Variants in WDR49 observed in about 807,000 individuals in gnomAD.
The protein encoded by WDR49 is cilia- and flagella-associated protein 337.
In WDR49, 107 loss-of-function variants were observed where a neutral mutation model predicts 119.5. The observed-to-expected ratio is 0.90, with a 90% CI of 0.77 to 1.05. WDR49 has a LOEUF of 1.05. WDR49 is among the 50% of genes least tolerant of loss of function. WDR49 has a pLI of 0.00. For missense variants in WDR49, 1,240 were observed against 1,220.5 expected, an observed-to-expected ratio of 1.02 and a Z score of -0.24; for synonymous variants, 425 against 418.8, an observed-to-expected ratio of 1.01 and a Z score of -0.18.
At chr3:167,625,534 T>C (rs1387584017) in intron 3 of WDR49, among the ~76,000 whole-genome samples, 7 of 151,986 alleles carry the variant, frequency 4.6e-5, no homozygotes, top group African/African-American at 1.2e-4. Context: ...AACTGAAAAA[T>C]TAATGGGTTT....
intron 10 of WDR49, among the ~76,000 whole-genome samples, chr3:167,541,857 G>T (rs1711858629): frequency 6.6e-6 from 1 of 151,930 alleles, no homozygotes; most frequent in Non-Finnish European, 1.5e-5. Flanking sequence ...GGTGGAAAAA[G>T]ATATTCCATG....
intron 17 of WDR49, among the ~76,000 whole-genome samples, chr3:167,502,158 T>C (rs914054486): frequency 2.0e-5 from 3 of 152,190 alleles, no homozygotes; most frequent in African/African-American, 7.2e-5. Flanking sequence ...AGCTTGCTCC[T>C]ACTCTCACCA....
At chr3:167,607,520 T>G (rs1335767939) in intron 5 of WDR49, among the ~76,000 whole-genome samples, 1 of 152,124 alleles carries the variant, frequency 6.6e-6, no homozygotes, top group Non-Finnish European at 1.5e-5. Context: ...GTGGGTAAAT[T>G]ATTCCAAGTT....
chr3:167,583,027 T>C (rs7640585), intron 7 of WDR49, among the ~76,000 whole-genome samples: 3,585 of 151,732 alleles, frequency 0.024, 152 homozygotes, highest in African/African-American at 0.082. Context: ...GAAAAACAAA[T>C]TTGCAATAAA....
chr3:167,642,658 AC>A (rs1717936569), intron 2 of WDR49, among the ~76,000 whole-genome samples: 1 of 151,992 alleles, frequency 6.6e-6, no homozygotes, highest in Admixed American at 6.6e-5. Context: ...AGCAATGAAC[AC>A]ACTACTACCC....
At position 167,565,412 on chromosome 3, in the gene WDR49, C is replaced by CACACACACAT. The variant is rs144511770; in HGVS notation, c.1510-5185_1510-5184insATGTGTGTGT. Among the ~76,000 whole-genome samples the CACACACACAT allele has an allele frequency of 3.7e-4, 54 of 146,966 alleles. 1 individual carries two copies. The highest frequency in any genetic ancestry group is 1.1e-3 in the African/African-American group (44 of 39,500). On this transcript the variant is annotated intron_variant, in intron 8 of 18. Coordinates refer to ENST00000682715, the MANE Select transcript of WDR49 (RefSeq NM_001366157.1). The stretch of plus-strand genomic sequence containing the variant: ...ACACACACACACACACACACACACA[C>CACACACACAT]TTATATGTAAAATGCATGTGTATAT...
chr3:167,503,636 C>T (rs148485454), intron 17 of WDR49, among the ~76,000 whole-genome samples: 6 of 152,334 alleles, frequency 3.9e-5, no homozygotes, highest in African/African-American at 1.2e-4. Context: ...CAATGAGTGC[C>T]TTGCTGGATC....
chr3:167,567,297 A>G (rs1159751934), intron 8 of WDR49, among the ~76,000 whole-genome samples: 1 of 152,116 alleles, frequency 6.6e-6, no homozygotes, highest in Non-Finnish European at 1.5e-5. Flanking sequence ...CATCTTCATC[A>G]AGTCATCTTC....
intron 15 of WDR49, 62 bp from the exon 16 acceptor site, chr3:167,522,546 T>C (rs2108232577): frequency 2.0e-6 from 3 of 1,521,822 alleles, no homozygotes; most frequent in East Asian, 4.6e-5. Context: ...AACATTTACG[T>C]GTGTTTACCA....
chr3:167,547,656 C>CT lies in WDR49; in HGVS notation c.1823+6993dup, dbSNP rs74953812. ...TCCCTATTCTAGGAGACAAGATTTT[C>CT]TTTTTTTTTTTTTTTACATTTAAAA... On this transcript the variant is annotated intron_variant, in intron 10 of 18. Transcript: ENST00000682715. 7.0e-3 allele frequency among the ~76,000 whole-genome samples: 929 copies of CT among 132,116 alleles called. 4 individuals carry two copies. Among genetic ancestry groups the CT allele is most frequent in the African/African-American group, 0.019 (678 of 36,508 alleles). The allele number at this position is 132,116 out of a possible 152,430, so 86.7% of individuals were successfully genotyped here. A position where few individuals can be genotyped will look rare whatever the true frequency, so the allele number is the denominator to read the frequency against.
intron 11 of WDR49, 22 bp downstream of exon 11, chr3:167,536,848 G>A (rs777731967): frequency 6.8e-7 from 1 of 1,462,960 alleles, no homozygotes; most frequent in Non-Finnish European, 9.1e-7. Flanking sequence ...ACCAATGATT[G>A]TCAAGTGAAA....
At chr3:167,550,054 T>C (rs1036146814) in intron 10 of WDR49, among the ~76,000 whole-genome samples, 1 of 151,996 alleles carries the variant, frequency 6.6e-6, no homozygotes, top group East Asian at 1.9e-4. Context: ...TTGGTCTATA[T>C]CTCTGTTTTG....
rs117096761 is a variant in WDR49, at chr3:167,602,815, T to C, written c.1127-540A>G. ...ATACGAATATGGTCCCATGAGACTA[T>C]AATATGGTATTTTTACTGTACCTTT... On this transcript the variant is annotated intron_variant, in intron 6 of 18. Transcript: ENST00000682715. Among the ~76,000 whole-genome samples, 41 of 152,320 alleles carry C rather than the reference T, an allele frequency of 2.7e-4. No homozygotes were observed. The East Asian group carries it at 7.9e-3, about 29-fold the overall frequency.
intron 7 of WDR49, among the ~76,000 whole-genome samples, chr3:167,584,548 A>G (rs55829822): frequency 1.6e-3 from 250 of 152,304 alleles, no homozygotes; most frequent in African/African-American, 5.6e-3. Flanking sequence ...TACACAAAAA[A>G]GAGAATGGTT....
chr3:167,515,555 G>A (rs1395248966), intron 16 of WDR49, among the ~76,000 whole-genome samples: 2 of 152,128 alleles, frequency 1.3e-5, no homozygotes, highest in South Asian at 2.1e-4. Context: ...AAAGCTGGAG[G>A]CATTCCCCTT....
intron 16 of WDR49, among the ~76,000 whole-genome samples, chr3:167,518,794 A>G (rs988354934): frequency 3.3e-5 from 5 of 151,342 alleles, no homozygotes; most frequent in Non-Finnish European, 7.4e-5. Flanking sequence ...TTAAACTAAA[A>G]AGCTTCTGCA....
chr3:167,633,668 T>C (rs1717479596), intron 2 of WDR49: 1 of 356,046 alleles, frequency 2.8e-6, no homozygotes, highest in Non-Finnish European at 5.5e-6. Context: ...AATGGCGAAA[T>C]AATTTACCAT....
chr3:167,652,201 A>G (rs924424681), intron 2 of WDR49, among the ~76,000 whole-genome samples: 1 of 152,234 alleles, frequency 6.6e-6, no homozygotes, highest in Non-Finnish European at 1.5e-5. Flanking sequence ...GCTACTAAAT[A>G]TGATAAGTTC....
intron 7 of WDR49, among the ~76,000 whole-genome samples, chr3:167,598,987 C>G (rs1334505736): frequency 6.6e-6 from 1 of 152,170 alleles, no homozygotes; most frequent in African/African-American, 2.4e-5. Context: ...TGGAGTGACA[C>G]AGGCACTTAT....
Sources: allele counts gnomAD v4.1 joint callset (sites outside exome capture counted in the v4.1 genomes callset), GRCh38; gene constraint gnomAD v4.1.1; transcripts MANE v1.5; gene names NCBI Gene and HGNC (gene_info 2026-07-23, HGNC 2026-07-21).